UROC1: variants seen among roughly 807,000 people sequenced by gnomAD.
The protein encoded by UROC1 is urocanate hydratase.
A neutral mutation model predicts 89.5 loss-of-function variants in UROC1; 79 were observed. The observed-to-expected ratio is 0.88, with a 90% CI of 0.74 to 1.06. The LOEUF (loss-of-function observed/expected upper bound fraction) is 1.06, where lower values mean the gene tolerates loss of function less well. UROC1 is among the 50% of genes least tolerant of loss of function. The probability of loss-of-function intolerance (pLI) is 0.00; values close to 1 mark genes in which losing one functional copy is unlikely to be tolerated. For synonymous variants in UROC1, 361 were observed against 354.8 expected (o/e 1.02, Z -0.20); for missense variants, 885 against 907.8 (o/e 0.97, Z 0.32).
In UROC1 at chr3:126,517,751, T is replaced by G; in HGVS notation, c.-32A>C. On this transcript the variant is annotated 5_prime_UTR_variant, in exon 1 of 20. Coordinates refer to ENST00000290868, the MANE Select transcript of UROC1 (RefSeq NM_144639.3). ...CTGAGATGGAGGCAGAGGCCAGCACTGTGGGGAGGCCAGGAAGAGACTGGG... is the reference window on the plus strand; with the variant it reads ...CTGAGATGGAGGCAGAGGCCAGCACGGTGGGGAGGCCAGGAAGAGACTGGG... 6.4e-7 allele frequency: 1 copy of G among 1,554,210 alleles called. No individual in the cohort carries two copies. The highest frequency in any genetic ancestry group is 2.4e-5 in the East Asian group (1 of 41,276).
chr3:126,489,842 A>G (rs1385554503), intron 16 of UROC1, among the ~76,000 whole-genome samples: 1 of 152,238 alleles, frequency 6.6e-6, no homozygotes, highest in Non-Finnish European at 1.5e-5. Flanking sequence ...CGATGTATTC[A>G]TTTGGACGCA....
intron 11 of UROC1, 26 bp from the exon 12 acceptor site, chr3:126,500,180 A>G (rs200024981): frequency 2.5e-5 from 41 of 1,611,174 alleles, no homozygotes; most frequent in Middle Eastern, 1.7e-4. Flanking sequence ...GGTCAGCACC[A>G]CCGCTGTGAG....
chr3:126,484,344 C>G (rs763791429), intron 18 of UROC1, among the ~76,000 whole-genome samples: 5 of 152,214 alleles, frequency 3.3e-5, no homozygotes, highest in Non-Finnish European at 1.5e-5. Context: ...GCCCTTGAAG[C>G]ATCCAGCCTT....
In UROC1 at chr3:126,500,125, C is replaced by G; in HGVS notation, c.1175G>C (p.Arg392Thr). Residue 392 changes from arginine to threonine, a missense_variant, in exon 12 of 20, where the codon AGG becomes ACG. By Grantham distance (71) the Arg-to-Thr change is moderately conservative (BLOSUM62 -1). Coordinates refer to ENST00000290868, the MANE Select transcript of UROC1 (RefSeq NM_144639.3). ...GAAGAAGAACTTCTCCTCGGCCAAC[C>G]TGTTGATGGCTGAGACTTGCCTCCT... ...SLRRQVSAIN[R>T]LAEEKFFFWD... The G allele has an allele frequency of 6.2e-7, 1 of 1,613,966 alleles. No individual in the cohort carries two copies. Among genetic ancestry groups the G allele is most frequent in the Non-Finnish European group, 8.5e-7 (1 of 1,180,012 alleles).
At position 126,506,119 on chromosome 3, in the gene UROC1, G is replaced by T. The variant is rs989126291; in HGVS notation, c.603-108C>A. 7 of 1,177,080 alleles carry T rather than the reference G, an allele frequency of 5.9e-6. No individual in the cohort carries two copies. The African/African-American group carries it at 7.5e-5, about 13-fold the overall frequency. 72.9% of individuals were successfully genotyped at this position (1,177,080 alleles called of 1,614,324 possible). A position where few individuals can be genotyped will look rare whatever the true frequency, so the allele number is the denominator to read the frequency against. On this transcript the variant is annotated intron_variant, in intron 6 of 19. Transcript: ENST00000290868. ...AAAATTAGTATTTAACTACCCAATA[G>T]GCATTAATATATTCTCCTTCACATA...
At chr3:126,489,710 G>A (rs1560116595) in intron 16 of UROC1, among the ~76,000 whole-genome samples, 1 of 152,196 alleles carries the variant, frequency 6.6e-6, no homozygotes, top group Non-Finnish European at 1.5e-5. Flanking sequence ...CGAGTGAGTC[G>A]TGAGCTGGGG....
chr3:126,513,493 G>A (rs932554437), intron 1 of UROC1, among the ~76,000 whole-genome samples: 2 of 152,140 alleles, frequency 1.3e-5, no homozygotes, highest in Non-Finnish European at 2.9e-5. Context: ...GTGGCTCTGC[G>A]AGGCTGCTGT....
chr3:126,496,004 G>A (rs368375898), intron 15 of UROC1, 34 bp downstream of exon 15: 87 of 1,604,320 alleles, frequency 5.4e-5, no homozygotes, highest in Admixed American at 8.4e-5. Flanking sequence ...TGACAGCACA[G>A]CCACCCCAGC....
chr3:126,499,301 T>A, intron 13 of UROC1, 36 bp downstream of exon 13: 3 of 1,606,124 alleles, frequency 1.9e-6, no homozygotes, highest in Non-Finnish European at 2.6e-6. Context: ...GGGGTGGCAC[T>A]GGGCACACTA....
rs773192320 is a variant in UROC1 at position 126,504,080 on chromosome 3, C to T, written c.817G>A (p.Asp273Asn). ...VGCIGVIAEV[D>N]KAALEKRHRQ... ...TGGCGTTTCTCAAGGGCTGCTTTAT[C>T]CACCTGGGGCCATGAGACATGGGGC... The change falls in exon 9 of 20, where the codon GAT becomes AAT. Residue 273 changes from aspartate (D) to asparagine (N), a missense_variant. Asp to Asn is a conservative substitution (Grantham distance 23, BLOSUM62 1). Transcript: ENST00000290868. 48 of 1,614,042 alleles carry T rather than the reference C, an allele frequency of 3.0e-5. No individual in the cohort carries two copies. Among genetic ancestry groups the T allele is most frequent in the Non-Finnish European group, 4.1e-5 (48 of 1,180,038 alleles).
chr3:126,493,884 TAAAAG>T (rs1019063356), intron 15 of UROC1, among the ~76,000 whole-genome samples: 6 of 152,172 alleles, frequency 3.9e-5, no homozygotes, highest in African/African-American at 1.4e-4. Flanking sequence ...CAGGAGCCGG[TAAAAG>T]GCAGCAGGGC....
At position 126,482,230 on chromosome 3, in the gene UROC1, G is replaced by C. The variant is rs1935404446; in HGVS notation, c.*115C>G. 6.7e-7 allele frequency: 1 copy of C among 1,486,918 alleles called. No individual in the cohort carries two copies. The highest frequency in any genetic ancestry group is 1.7e-5 in the Admixed American group (1 of 57,516). The allele number at this position is 1,486,918 out of a possible 1,614,324, so 92.1% of individuals were successfully genotyped here. On this transcript the variant is annotated 3_prime_UTR_variant, in exon 20 of 20. Transcript: ENST00000290868. The stretch of plus-strand genomic sequence containing the variant: ...GCACAGGGCACCATAAGGGCCACGT[G>C]AGGATGTGCGAGAAGTGCAGGTAGT...
Position 126,499,349 on chromosome 3 carries a change from T to C in UROC1, c.1304A>G (p.Gln435Arg), listed in dbSNP as rs369243226. 8.5e-5 allele frequency: 137 copies of C among 1,611,680 alleles called. No individual in the cohort carries two copies. Among genetic ancestry groups the C allele is most frequent in the Non-Finnish European group, 1.1e-4 (131 of 1,179,638 alleles). Residue 435 changes from glutamine (Q) to arginine (R), a missense_variant, in exon 13 of 20, where the codon CAG (glutamine) becomes CGG (arginine). Physicochemically the swap from Gln to Arg is conservative, Grantham distance 43 (BLOSUM62 1). Coordinates refer to ENST00000290868, the MANE Select transcript of UROC1 (RefSeq NM_144639.3). The stretch of plus-strand genomic sequence containing the variant: ...GCCCATCACTCACCCCATGATGTGC[T>C]GCACATAGGAAGGGTAGCGGAACTC... ...RTEFRYPSYV[Q>R]HIMGDIFSQG...
At chr3:126,500,925 G>C (rs376327379) in intron 10 of UROC1, 51 bp from the exon 11 acceptor site, 234 of 1,602,070 alleles carry the variant, frequency 1.5e-4, no homozygotes, top group Middle Eastern at 3.9e-4. Flanking sequence ...CCTGGGCCCA[G>C]AGTCTGGGGC....
Position 126,505,723 on chromosome 3 carries a change from C to T in UROC1, c.791G>A (p.Gly264Glu), listed in dbSNP as rs755100274. The T allele has an allele frequency of 6.2e-7, 1 of 1,613,730 alleles. No individual in the cohort carries two copies. Among genetic ancestry groups the T allele is most frequent in the East Asian group, 2.2e-5 (1 of 44,890 alleles). Reference sequence around the variant, plus strand: ...TACCTCTGCTATCACACCGATGCACCCCACGATGACTGCGGCCTTGGCCTG... The same window carrying T: ...TACCTCTGCTATCACACCGATGCACTCCACGATGACTGCGGCCTTGGCCTG... Reference protein sequence around the residue: ...GAQAKAAVIVGCIGVIAEVDK... With the variant: ...GAQAKAAVIVECIGVIAEVDK... Residue 264 changes from glycine to glutamate, a missense_variant, in exon 8 of 20, where the codon GGG (glycine) becomes GAG (glutamate). Physicochemically the swap from Gly to Glu is moderately conservative, Grantham distance 98. Transcript: ENST00000290868.
chr3:126,489,589 C>T (rs1935598904), intron 16 of UROC1, among the ~76,000 whole-genome samples: 3 of 152,126 alleles, frequency 2.0e-5, no homozygotes, highest in South Asian at 2.1e-4. Context: ...GTGAGCTCAC[C>T]GAGCACTCAC....
At chr3:126,499,068 C>G (rs1935848268) in intron 13 of UROC1, among the ~76,000 whole-genome samples, 1 of 151,926 alleles carries the variant, frequency 6.6e-6, no homozygotes, top group Admixed American at 6.6e-5. Context: ...CAGGAAGTGG[C>G]CTCAGCCTCT....
intron 5 of UROC1, 56 bp from the exon 6 acceptor site, chr3:126,507,859 G>T: frequency 6.2e-7 from 1 of 1,612,748 alleles, no homozygotes; most frequent in South Asian, 1.1e-5. Context: ...GGCGAGCACA[G>T]AGCCCTGGGG....
chr3:126,500,487 A>T (rs915142116), intron 11 of UROC1, among the ~76,000 whole-genome samples: 5 of 152,196 alleles, frequency 3.3e-5, no homozygotes, highest in African/African-American at 1.2e-4. Flanking sequence ...CTGGGCATTC[A>T]GCAAATGTCA....
Sources: allele counts gnomAD v4.1 joint callset (sites outside exome capture counted in the v4.1 genomes callset), GRCh38; gene constraint gnomAD v4.1.1; transcripts MANE v1.5; gene names NCBI Gene and HGNC (gene_info 2026-07-23, HGNC 2026-07-21).